The following MTSS1 variants were observed in gnomAD, a reference collection of about 807,000 sequenced individuals.
MTSS1 encodes the protein protein MTSS 1.
A neutral mutation model predicts 79.0 loss-of-function variants in MTSS1; 18 were observed. The observed-to-expected ratio is 0.23, with a 90% CI of 0.16 to 0.34. The LOEUF is 0.34. MTSS1 is among the 10% of genes least tolerant of loss of function. The pLI is 1.00. For missense variants in MTSS1, 815 were observed against 986.2 expected, an observed-to-expected ratio of 0.83 and a Z score of 2.33; for synonymous variants, 341 against 368.6, an observed-to-expected ratio of 0.93 and a Z score of 0.86.
intron 3 of MTSS1, among the ~76,000 whole-genome samples, chr8:124,602,113 G>A (rs1390176348): frequency 1.4e-5 from 2 of 146,274 alleles, no homozygotes; most frequent in Non-Finnish European, 3.0e-5. Flanking sequence ...AATTGTCTTG[G>A]GCCACATATA....
chr8:124,660,130 G>A (rs1301876648), intron 3 of MTSS1, among the ~76,000 whole-genome samples: 5 of 152,060 alleles, frequency 3.3e-5, no homozygotes, highest in African/African-American at 1.2e-4. Flanking sequence ...GATATGCTTG[G>A]ACTTCAAGAC....
intron 3 of MTSS1, among the ~76,000 whole-genome samples, chr8:124,613,083 G>A (rs568243827): frequency 2.6e-5 from 4 of 152,214 alleles, no homozygotes; most frequent in East Asian, 1.9e-4. Context: ...ACACTCAGCC[G>A]CCCGAGGACC....
At chr8:124,653,592 C>T (rs923470629) in intron 3 of MTSS1, among the ~76,000 whole-genome samples, 2 of 152,014 alleles carry the variant, frequency 1.3e-5, no homozygotes, top group Non-Finnish European at 2.9e-5. Flanking sequence ...GGCATGGTGG[C>T]ATGTGTCTGT....
intron 4 of MTSS1, 152 bp from the exon 5 acceptor site, chr8:124,589,863 A>G: frequency 3.3e-6 from 2 of 615,236 alleles, no homozygotes; most frequent in Non-Finnish European, 5.7e-6. Flanking sequence ...TGTTCCAAGA[A>G]TGCTTTTCTT....
At chr8:124,713,558 G>A (rs56350078) in intron 1 of MTSS1, among the ~76,000 whole-genome samples, 2,920 of 152,142 alleles carry the variant, frequency 0.019, 102 homozygotes, top group African/African-American at 0.068. Flanking sequence ...CAAGTAGCTG[G>A]GATTATAGGC....
chr8:124,676,448 A>C (rs567471893), intron 3 of MTSS1, among the ~76,000 whole-genome samples: 7 of 152,174 alleles, frequency 4.6e-5, no homozygotes, highest in Admixed American at 6.5e-5. Flanking sequence ...TCAAGATCTC[A>C]CGACCATCCA....
At chr8:124,555,065 G>A (rs190349235) in intron 13 of MTSS1, among the ~76,000 whole-genome samples, 26 of 152,260 alleles carry the variant, frequency 1.7e-4, no homozygotes, top group African/African-American at 4.1e-4. Flanking sequence ...GACTGGTCTC[G>A]AACTTCTGCA....
At chr8:124,708,693 G>A (rs148624818) in intron 1 of MTSS1, among the ~76,000 whole-genome samples, 10 of 152,138 alleles carry the variant, frequency 6.6e-5, no homozygotes, top group African/African-American at 2.4e-4. Flanking sequence ...TACCAAATTA[G>A]CAACAAAAGG....
chr8:124,594,593 T>C (rs76127885), intron 3 of MTSS1, among the ~76,000 whole-genome samples: 2,891 of 152,192 alleles, frequency 0.019, 100 homozygotes, highest in African/African-American at 0.066. Context: ...TATGGTACAA[T>C]AAAAACAATT....
At chr8:124,722,734 CA>C (rs1833128564) in intron 1 of MTSS1, among the ~76,000 whole-genome samples, 1 of 152,176 alleles carries the variant, frequency 6.6e-6, no homozygotes, top group Non-Finnish European at 1.5e-5. Context: ...ACATCCTAGG[CA>C]GCTAAATCTG....
At chr8:124,712,935 C>G (rs576868033) in intron 1 of MTSS1, among the ~76,000 whole-genome samples, 26 of 152,226 alleles carry the variant, frequency 1.7e-4, no homozygotes, top group African/African-American at 6.0e-4. Flanking sequence ...AGGTTGGATG[C>G]CCGGGCTGTT....
At chr8:124,664,233 T>A (rs919061245) in intron 3 of MTSS1, among the ~76,000 whole-genome samples, 8 of 152,126 alleles carry the variant, frequency 5.3e-5, no homozygotes, top group Non-Finnish European at 1.2e-4. Context: ...ACCACAGGCG[T>A]AAGTTCAACC....
intron 3 of MTSS1, among the ~76,000 whole-genome samples, chr8:124,632,190 G>A (rs1816094132): frequency 6.7e-6 from 1 of 148,714 alleles, no homozygotes; most frequent in Non-Finnish European, 1.5e-5. Flanking sequence ...GAGGCAGGAG[G>A]ATCCCTTGAG....
chr8:124,568,879 G>A, intron 6 of MTSS1: 1 of 1,418,280 alleles, frequency 7.1e-7, no homozygotes, highest in Non-Finnish European at 9.2e-7. Flanking sequence ...TTTCCTTGCA[G>A]AACATTCTGA....
rs767326559 is a variant in MTSS1, at chr8:124,553,000, AG to A, written c.2259del (p.Ser755LeufsTer16). The part of the protein sequence containing the change: ...KTTTNDRSAP[R>X]FS ...GCGCATTTCTTGTGAACCTAAGAAA[AG>A]CGAGGGGCTGAGCGATCGTTTGTCG... On this transcript the variant is annotated frameshift_variant, in exon 14 of 14. Transcript: ENST00000518547. LOFTEE classifies it high-confidence loss of function. The A allele has an allele frequency of 9.9e-6, 16 of 1,610,946 alleles. No homozygotes were observed. In the East Asian group the frequency reaches 3.6e-4, roughly 36 times the overall value.
chr8:124,717,759 A>C (rs1832308076), intron 1 of MTSS1, among the ~76,000 whole-genome samples: 1 of 152,168 alleles, frequency 6.6e-6, no homozygotes, highest in South Asian at 2.1e-4. Context: ...TCCCCATTGC[A>C]CATAATCCTA....
chr8:124,576,852 T>G (rs979014525), intron 6 of MTSS1, among the ~76,000 whole-genome samples: 3 of 152,234 alleles, frequency 2.0e-5, no homozygotes, highest in Non-Finnish European at 2.9e-5. Flanking sequence ...TCAAGCAAGT[T>G]GTCTGTTTCC....
At chr8:124,595,881 C>A (rs934610259) in intron 3 of MTSS1, among the ~76,000 whole-genome samples, 1 of 152,216 alleles carries the variant, frequency 6.6e-6, no homozygotes, top group Non-Finnish European at 1.5e-5. Context: ...ACTCCATCCC[C>A]TTTGGCAGTG....
intron 3 of MTSS1, among the ~76,000 whole-genome samples, chr8:124,643,046 T>G (rs1220084426): frequency 6.6e-6 from 1 of 152,172 alleles, no homozygotes; most frequent in Non-Finnish European, 1.5e-5. Context: ...CTATTCTTCT[T>G]TTTCTCTGCA....
Sources: allele counts gnomAD v4.1 joint callset (sites outside exome capture counted in the v4.1 genomes callset), GRCh38; gene constraint gnomAD v4.1.1; transcripts MANE v1.5; gene names NCBI Gene and HGNC (gene_info 2026-07-23, HGNC 2026-07-21).